KPNA1: variants seen among roughly 807,000 people sequenced by gnomAD.
KPNA1 encodes the protein importin subunit alpha-5.
KPNA1 carries 10 observed loss-of-function variants against 70.5 expected under a neutral mutation model. The observed-to-expected ratio is 0.14, with a 90% confidence interval of 0.09 to 0.24. KPNA1 has a LOEUF of 0.24. KPNA1 is among the 10% of genes least tolerant of loss of function. The pLI is 1.00. For missense variants in KPNA1, 397 were observed against 637.9 expected (o/e 0.62, Z 4.07); for synonymous variants, 192 against 221.9 (o/e 0.87, Z 1.20).
chr3:122,461,483 G>C (rs1459539234), intron 4 of KPNA1, among the ~76,000 whole-genome samples, 165 bp from the exon 5 acceptor site: 1 of 152,160 alleles, frequency 6.6e-6, no homozygotes, highest in Non-Finnish European at 1.5e-5. Flanking sequence ...TTTGAGGACA[G>C]GGTAGTCTGA....
At chr3:122,468,353 C>T (rs934352559) in intron 2 of KPNA1, among the ~76,000 whole-genome samples, 1 of 152,138 alleles carries the variant, frequency 6.6e-6, no homozygotes, top group African/African-American at 2.4e-5. Context: ...ACAAAAAGAA[C>T]ACCCAAGATC....
intron 5 of KPNA1, among the ~76,000 whole-genome samples, chr3:122,457,239 A>G (rs2076274401): frequency 6.6e-6 from 1 of 152,164 alleles, no homozygotes. Flanking sequence ...TAAATGTTTC[A>G]GCCTTGGGTA....
At chr3:122,489,058 G>A (rs1048501060) in intron 2 of KPNA1, among the ~76,000 whole-genome samples, 2 of 81,712 alleles carry the variant, frequency 2.4e-5, no homozygotes, top group African/African-American at 1.3e-4. Flanking sequence ...TTTTGCGTGC[G>A]TGTGTGTGTG....
In KPNA1 at chr3:122,424,010, CA is replaced by C. The variant is rs2075789382; in HGVS notation, c.*2974del. ...GTCTCCTAAAATCTCTTTCTTCTAT[CA>C]TCTACCTTACCCAAAATTTCTCAAT... On this transcript the variant is annotated 3_prime_UTR_variant, in exon 14 of 14. Transcript: ENST00000344337. The C allele has an allele frequency of 6.6e-6, 1 of 152,154 alleles. No individual in the cohort carries two copies. The highest frequency in any genetic ancestry group is 1.5e-5 in the Non-Finnish European group (1 of 68,006). The allele number at this position is 152,154 out of a possible 1,614,324, so 9.4% of individuals were successfully genotyped here.
rs138952352 is a variant in KPNA1 at position 122,448,059 on chromosome 3, G to C, written c.917+1515C>G. ...GAGAAATGCAAATCAAAACCACAAT[G>C]AGATACTATCTCACGTCATCATTAA... On this transcript the variant is annotated intron_variant, in intron 9 of 13. Transcript: ENST00000344337. Among the ~76,000 whole-genome samples, 712 of 152,228 alleles carry C rather than the reference G, an allele frequency of 4.7e-3. 7 individuals carry two copies. Among genetic ancestry groups the C allele is most frequent in the African/African-American group, 0.016 (675 of 41,522 alleles).
At chr3:122,502,321 T>C (rs1389271307) in intron 1 of KPNA1, among the ~76,000 whole-genome samples, 1 of 152,220 alleles carries the variant, frequency 6.6e-6, no homozygotes, top group Non-Finnish European at 1.5e-5. Flanking sequence ...ACTTGTATTT[T>C]GTTATAGTGC....
At chr3:122,470,957 T>C (rs1451380610) in intron 2 of KPNA1, among the ~76,000 whole-genome samples, 2 of 152,188 alleles carry the variant, frequency 1.3e-5, no homozygotes, top group African/African-American at 2.4e-5. Flanking sequence ...TTAAAAGAGA[T>C]TGTCAGATAC....
chr3:122,436,670 T>G (rs1219715595), intron 11 of KPNA1, among the ~76,000 whole-genome samples: 1 of 152,214 alleles, frequency 6.6e-6, no homozygotes, highest in Non-Finnish European at 1.5e-5. Context: ...GGCTTAAGTG[T>G]AAATTTCAAA....
chr3:122,443,652 C>T (rs1035108185), intron 9 of KPNA1, among the ~76,000 whole-genome samples: 27 of 152,142 alleles, frequency 1.8e-4, no homozygotes, highest in African/African-American at 5.1e-4. Context: ...CCTGAGTCTC[C>T]GGGGGTGACA....
intron 9 of KPNA1, chr3:122,442,650 T>C (rs2076079448): frequency 6.6e-6 from 1 of 152,458 alleles, no homozygotes; most frequent in Admixed American, 6.5e-5. Context: ...CACAAAGCCA[T>C]ATATATATAT....
intron 5 of KPNA1, chr3:122,460,680 A>T (rs2076314883): frequency 3.3e-5 from 29 of 881,346 alleles, no homozygotes; most frequent in Non-Finnish European, 3.9e-5. Flanking sequence ...CTGAATCCAG[A>T]GATTACAAAA....
intron 6 of KPNA1, among the ~76,000 whole-genome samples, chr3:122,453,598 G>A (rs1380127878): frequency 6.6e-6 from 1 of 151,862 alleles, no homozygotes; most frequent in South Asian, 2.1e-4. Flanking sequence ...GTGCAATGAC[G>A]CGATCTCGGC....
chr3:122,436,078 C>T (rs902545731), intron 11 of KPNA1, among the ~76,000 whole-genome samples: 10 of 152,118 alleles, frequency 6.6e-5, no homozygotes, highest in African/African-American at 2.2e-4. Flanking sequence ...AAAGAGAATG[C>T]GTTCCTAGGG....
chr3:122,465,859 A>T (rs2076374312), intron 3 of KPNA1, among the ~76,000 whole-genome samples: 1 of 152,246 alleles, frequency 6.6e-6, no homozygotes, highest in Non-Finnish European at 1.5e-5. Context: ...GGATTCAACA[A>T]CATCAACTCT....
At chr3:122,494,471 A>G (rs2076734801) in intron 2 of KPNA1, among the ~76,000 whole-genome samples, 1 of 152,086 alleles carries the variant, frequency 6.6e-6, no homozygotes, top group African/African-American at 2.4e-5. Context: ...TGGACTCTCT[A>G]TTCCATTCCA....
intron 5 of KPNA1, chr3:122,457,758 A>T: frequency 1.6e-6 from 2 of 1,289,724 alleles, no homozygotes; most frequent in South Asian, 2.5e-5. Context: ...AGGTTGAGGT[A>T]CGCCTGGTTC....
In KPNA1 at chr3:122,491,850, ATTTTTTTTTTTTTTT is replaced by A. The variant is rs67916227; in HGVS notation, c.129+4572_129+4586del. On this transcript the variant is annotated intron_variant, in intron 2 of 13. Transcript: ENST00000344337. ...TGCAAAGCAATGCTTTGACCATCACATTTTTTTTTTTTTTTTTTTTTTTTTTTTTGAGACGGAGTT... is the reference window on the plus strand; with the variant it reads ...TGCAAAGCAATGCTTTGACCATCACATTTTTTTTTTTTTTGAGACGGAGTT... 4.8e-3 allele frequency among the ~76,000 whole-genome samples: 312 copies of A among 64,920 alleles called. 3 individuals carry two copies. The highest frequency in any genetic ancestry group is 0.017 in the African/African-American group (305 of 17,716). The allele number at this position is 64,920 out of a possible 152,430, so 42.6% of individuals were successfully genotyped here.
At chr3:122,480,671 T>A (rs1028820457) in intron 2 of KPNA1, among the ~76,000 whole-genome samples, 24 of 145,012 alleles carry the variant, frequency 1.7e-4, no homozygotes, top group Non-Finnish European at 3.2e-4. Flanking sequence ...TTTTCTCATT[T>A]AAAAAAAAAA....
At chr3:122,511,272 G>A (rs2076951905) in intron 1 of KPNA1, among the ~76,000 whole-genome samples, 2 of 152,032 alleles carry the variant, frequency 1.3e-5, no homozygotes, top group Non-Finnish European at 2.9e-5. Context: ...AGAGTATATA[G>A]GCACTCATGG....
Sources: allele counts gnomAD v4.1 joint callset (sites outside exome capture counted in the v4.1 genomes callset), GRCh38; gene constraint gnomAD v4.1.1; transcripts MANE v1.5; gene names NCBI Gene and HGNC (gene_info 2026-07-23, HGNC 2026-07-21).